The following TRHDE variants were observed in gnomAD, a reference collection of about 807,000 sequenced individuals.
The protein encoded by TRHDE is thyrotropin releasing hormone degrading enzyme, also known as thyrotropin-releasing hormone-degrading ectoenzyme.
In TRHDE, 72 loss-of-function variants were observed where a neutral mutation model predicts 125.7. That is an observed-to-expected ratio of 0.57 (90% CI 0.47 to 0.70). TRHDE has a LOEUF of 0.70. TRHDE is among the 30% of genes least tolerant of loss of function. The pLI, the probability that TRHDE is intolerant of heterozygous loss-of-function variation, is 0.00. For synonymous variants in TRHDE, 509 were observed against 509.1 expected, an observed-to-expected ratio of 1.00 and a Z score of 0.00; for missense variants, 1,110 against 1,327.1, an observed-to-expected ratio of 0.84 and a Z score of 2.54.
intron 2 of TRHDE, among the ~76,000 whole-genome samples, chr12:72,331,218 C>T (rs1390783722): frequency 6.6e-6 from 1 of 152,180 alleles, no homozygotes; most frequent in Non-Finnish European, 1.5e-5. Context: ...ATAGATAGAA[C>T]AAGTAATGGA....
intron 2 of TRHDE, among the ~76,000 whole-genome samples, chr12:72,260,873 C>G (rs1344796326): frequency 1.3e-5 from 2 of 152,270 alleles, no homozygotes; most frequent in Admixed American, 1.3e-4. Context: ...CCTGAAGAAA[C>G]TTTCATTGTA....
intron 3 of TRHDE, among the ~76,000 whole-genome samples, chr12:72,406,909 C>T (rs1017571073): frequency 6.6e-6 from 1 of 152,052 alleles, no homozygotes; most frequent in African/African-American, 2.4e-5. Flanking sequence ...TCAAAGTGTA[C>T]AGAATGTTTC....
chr12:72,630,580 C>T (rs1164513377), intron 15 of TRHDE, among the ~76,000 whole-genome samples: 2 of 151,750 alleles, frequency 1.3e-5, no homozygotes, highest in Non-Finnish European at 2.9e-5. Context: ...GCCTTATATT[C>T]AAGCCTTGAT....
rs1209969953 is a variant in TRHDE at position 72,142,215 on chromosome 12, G to A, written n.279+36463G>A. Among the ~76,000 whole-genome samples, 4 of 152,176 alleles carry A rather than the reference G, an allele frequency of 2.6e-5. No individual in the cohort carries two copies. In the East Asian group the frequency reaches 7.7e-4, roughly 29 times the overall value. ...AGGAAGAGTCATGGGAAAGAGGTAA[G>A]CCTGTAAAGTCCCAGGATCAAGGTT... On this transcript the variant is annotated intron_variant and non_coding_transcript_variant, in intron 2 of 4. Coordinates refer to the TRHDE transcript ENST00000548156.
intron 2 of TRHDE, among the ~76,000 whole-genome samples, chr12:72,238,968 C>T (rs996372903): frequency 1.3e-5 from 2 of 152,202 alleles, no homozygotes; most frequent in Non-Finnish European, 2.9e-5. Flanking sequence ...AATAGCCACA[C>T]TGTCTTCCAC....
intron 6 of TRHDE, among the ~76,000 whole-genome samples, chr12:72,536,613 A>C (rs575360815): frequency 6.6e-6 from 1 of 152,100 alleles, no homozygotes; most frequent in Admixed American, 6.6e-5. Context: ...GACCTTTGTG[A>C]TGGTAAATGC....
chr12:72,311,522 G>C (rs1009812417), intron 2 of TRHDE, among the ~76,000 whole-genome samples: 1 of 152,168 alleles, frequency 6.6e-6, no homozygotes, highest in African/African-American at 2.4e-5. Context: ...GCAAAAGGAA[G>C]AGATTGTTTT....
At chr12:72,571,388 A>G (rs1870724716) in intron 10 of TRHDE, among the ~76,000 whole-genome samples, 1 of 152,216 alleles carries the variant, frequency 6.6e-6, no homozygotes, top group Non-Finnish European at 1.5e-5. Context: ...GATTTTATCT[A>G]CATGATATTA....
intron 5 of TRHDE, among the ~76,000 whole-genome samples, chr12:72,476,639 C>A (rs1876907948): frequency 6.6e-6 from 1 of 152,166 alleles, no homozygotes; most frequent in Non-Finnish European, 1.5e-5. Context: ...AGGAAGTTGA[C>A]CTCTTTTGCC....
intron 12 of TRHDE, among the ~76,000 whole-genome samples, chr12:72,606,643 A>T (rs1037816421): frequency 2.6e-5 from 4 of 152,188 alleles, no homozygotes; most frequent in African/African-American, 9.7e-5. Context: ...AGGCTTTATG[A>T]TACATACTGG....
intron 2 of TRHDE, among the ~76,000 whole-genome samples, chr12:72,150,668 A>G (rs1015313826): frequency 2.7e-5 from 4 of 150,406 alleles, no homozygotes; most frequent in Non-Finnish European, 5.9e-5. Context: ...TTGTCCTTGC[A>G]ATAGTTTGCT....
intron 1 of TRHDE, among the ~76,000 whole-genome samples, chr12:72,091,980 G>A (rs1335852056): frequency 1.3e-5 from 2 of 152,104 alleles, no homozygotes; most frequent in African/African-American, 2.4e-5. Flanking sequence ...CCTTAAAACA[G>A]TTTCTTTTGT....
chr12:72,655,776 T>C (rs1277591502), intron 17 of TRHDE, among the ~76,000 whole-genome samples: 1 of 152,218 alleles, frequency 6.6e-6, no homozygotes, highest in Non-Finnish European at 1.5e-5. Context: ...GCCTGCATAA[T>C]TGGACAATTT....
intron 3 of TRHDE, among the ~76,000 whole-genome samples, chr12:72,462,827 C>T (rs780186025): frequency 6.6e-6 from 1 of 152,030 alleles, no homozygotes; most frequent in Non-Finnish European, 1.5e-5. Context: ...ATTATTTGGC[C>T]CCCTGCCCTA....
chr12:72,354,503 A>G (rs1002880251), intron 2 of TRHDE, among the ~76,000 whole-genome samples: 1 of 151,354 alleles, frequency 6.6e-6, no homozygotes, highest in South Asian at 2.1e-4. Flanking sequence ...TGCCTAGGGC[A>G]TAGCAGGTGT....
In TRHDE at chr12:72,656,922, T is replaced by A; in HGVS notation, c.2985-5T>A. 1 of 1,594,794 alleles carries A rather than the reference T, an allele frequency of 6.3e-7. No homozygotes were observed. Among genetic ancestry groups the A allele is most frequent in the East Asian group, 2.2e-5 (1 of 44,690 alleles). On this transcript the variant is annotated splice_polypyrimidine_tract_variant and splice_region_variant and intron_variant, in intron 17 of 18. Coordinates refer to ENST00000261180, the MANE Select transcript of TRHDE (RefSeq NM_013381.3). ...TTGACATTAAGACTCTTTTTTTCTT[T>A]TGAGGTATGGAGAAGCATTGTTTAT... is the stretch of plus-strand genomic sequence containing the variant.
chr12:72,142,684 A>C (rs1181607080), intron 2 of TRHDE, among the ~76,000 whole-genome samples: 3 of 152,122 alleles, frequency 2.0e-5, no homozygotes, highest in Non-Finnish European at 4.4e-5. Context: ...TAAACCCCCA[A>C]ACCCCAGGCT....
intron 5 of TRHDE, among the ~76,000 whole-genome samples, chr12:72,496,097 G>T (rs1450858581): frequency 6.6e-6 from 1 of 152,060 alleles, no homozygotes; most frequent in Non-Finnish European, 1.5e-5. Flanking sequence ...TATCATGGTG[G>T]CCTTAAAATA....
Position 72,273,342 on chromosome 12 carries a change from G to A in TRHDE, c.699G>A (p.Ala233=), listed in dbSNP as rs1879334502. The A allele has an allele frequency of 1.2e-6, 2 of 1,613,982 alleles. No individual in the cohort carries two copies. Among genetic ancestry groups the A allele is most frequent in the African/African-American group, 1.3e-5 (1 of 74,932 alleles). The change falls in exon 1 of 19, where the codon GCG becomes GCA. Residue 233 remains alanine (A), a synonymous_variant. Transcript: ENST00000261180. This position sits in a 1 kb window ranked among gnomAD's most constrained non-coding sequence, Gnocchi z 5.3. ...TAGTGCTGCACGCTTCCCGAGTGGC[G>A]GTGGAGAAAGTGCAGCTGGCCGAGG... The part of the protein sequence containing the change: ...RYVVLHASRV[A]VEKVQLAEDR...
Sources: allele counts gnomAD v4.1 joint callset (sites outside exome capture counted in the v4.1 genomes callset), GRCh38; gene constraint gnomAD v4.1.1; non-coding constraint Gnocchi (gnomAD v3.1); transcripts MANE v1.5; gene names NCBI Gene and HGNC (gene_info 2026-07-23, HGNC 2026-07-21).